The following SORCS2 variants were observed in gnomAD, a reference collection of about 807,000 sequenced individuals.
The protein encoded by SORCS2 is VPS10 domain-containing receptor SorCS2.
A neutral mutation model predicts 141.6 loss-of-function variants in SORCS2; 100 were observed. That is an observed-to-expected ratio of 0.71 (90% CI 0.60 to 0.83). SORCS2 has a LOEUF of 0.83. Among genes scored for constraint, SORCS2 ranks in the 40% least tolerant of loss-of-function variants. The pLI, the probability that SORCS2 is intolerant of heterozygous loss-of-function variation, is 0.00. For synonymous variants in SORCS2, 789 were observed against 676.9 expected (o/e 1.17, Z -2.57); for missense variants, 1,646 against 1,560.2 (o/e 1.05, Z -0.93).
At chr4:7,627,941 C>T (rs1336782275) in intron 3 of SORCS2, among the ~76,000 whole-genome samples, 1 of 152,232 alleles carries the variant, frequency 6.6e-6, no homozygotes. Context: ...GAAACAGCTG[C>T]CAATTCTCAG....
intron 1 of SORCS2, among the ~76,000 whole-genome samples, chr4:7,344,928 G>A (rs1333642840): frequency 2.0e-5 from 3 of 152,124 alleles, no homozygotes; most frequent in Non-Finnish European, 1.5e-5. Flanking sequence ...TGCAGCTCTG[G>A]GGGCCACCCA....
intron 2 of SORCS2, among the ~76,000 whole-genome samples, chr4:7,492,889 C>T (rs1731398039): frequency 6.6e-6 from 1 of 152,204 alleles, no homozygotes; most frequent in African/African-American, 2.4e-5. Context: ...CTCCTCATCT[C>T]CCATATTACC....
chr4:7,682,923 T>G, intron 10 of SORCS2, 34 bp downstream of exon 10: 1 of 1,601,504 alleles, frequency 6.2e-7, no homozygotes, highest in Non-Finnish European at 8.5e-7. Flanking sequence ...ACACCATCCT[T>G]GGCGTGGATG....
At chr4:7,597,868 C>T (rs921407801) in intron 3 of SORCS2, among the ~76,000 whole-genome samples, 1 of 150,296 alleles carries the variant, frequency 6.7e-6, no homozygotes, top group African/African-American at 2.5e-5. Flanking sequence ...GTGAGAGCTG[C>T]GTTCTGCTCT....
At chr4:7,259,465 G>T (rs572241476) in intron 1 of SORCS2, among the ~76,000 whole-genome samples, 1 of 152,160 alleles carries the variant, frequency 6.6e-6, no homozygotes, top group Admixed American at 6.5e-5. Context: ...TTTGAGAAAT[G>T]GTTGCTGTGC....
chr4:7,426,261 A>G (rs988751421), intron 2 of SORCS2, among the ~76,000 whole-genome samples: 1 of 149,486 alleles, frequency 6.7e-6, no homozygotes, highest in African/African-American at 2.5e-5. Flanking sequence ...CCCACCCTCA[A>G]TGAGTGGCCC....
chr4:7,389,439 C>T (rs145940008), intron 1 of SORCS2, among the ~76,000 whole-genome samples: 170 of 152,320 alleles, frequency 1.1e-3, no homozygotes, highest in African/African-American at 4.0e-3. Flanking sequence ...CTTACAGATT[C>T]CAGGGTCCAT....
rs190834048 is a variant in SORCS2, at chr4:7,378,191, G to C, written c.481-18097G>C. On this transcript the variant is annotated intron_variant, in intron 1 of 26. Coordinates refer to ENST00000507866, the MANE Select transcript of SORCS2 (RefSeq NM_020777.3). ...GCCATGAAAATGAAATGAATTTGGT[G>C]TCTGAAAGTAACCTCGGGTGAGACT... 7.5e-3 allele frequency among the ~76,000 whole-genome samples: 1,142 copies of C among 152,312 alleles called. 8 individuals are homozygous for C. Among genetic ancestry groups the C allele is most frequent in the Non-Finnish European group, 0.01 (703 of 68,024 alleles).
At chr4:7,461,514 C>G (rs1729310374) in intron 2 of SORCS2, among the ~76,000 whole-genome samples, 1 of 152,266 alleles carries the variant, frequency 6.6e-6, no homozygotes, top group Non-Finnish European at 1.5e-5. Flanking sequence ...TCACGCCGCA[C>G]TGTGCTGGGA....
At chr4:7,646,199 G>T (rs1456708456) in intron 4 of SORCS2, among the ~76,000 whole-genome samples, 1 of 152,244 alleles carries the variant, frequency 6.6e-6, no homozygotes, top group East Asian at 1.9e-4. Flanking sequence ...AAACAGCTGT[G>T]CAGGCGTGAG....
intron 1 of SORCS2, among the ~76,000 whole-genome samples, chr4:7,219,446 C>G (rs1728566210): frequency 6.6e-6 from 1 of 152,146 alleles, no homozygotes; most frequent in Non-Finnish European, 1.5e-5. Context: ...CATTCTCACG[C>G]TGCTATAAGG....
At chr4:7,498,455 A>C (rs888365712) in intron 2 of SORCS2, among the ~76,000 whole-genome samples, 1 of 152,238 alleles carries the variant, frequency 6.6e-6, no homozygotes, top group South Asian at 2.1e-4. Flanking sequence ...CTGGGCGACA[A>C]CACCTCTGAG....
intron 9 of SORCS2, among the ~76,000 whole-genome samples, chr4:7,678,091 C>G (rs1723281928): frequency 6.6e-6 from 1 of 152,218 alleles, no homozygotes; most frequent in South Asian, 2.1e-4. Context: ...ACAACACGCA[C>G]CATTCACCCC....
At chr4:7,399,705 C>CAAGCCACAG (rs1724450491) in intron 2 of SORCS2, among the ~76,000 whole-genome samples, 2 of 152,154 alleles carry the variant, frequency 1.3e-5, no homozygotes, top group South Asian at 2.1e-4. Flanking sequence ...CTTGCCCTCA[C>CAAGCCACAG]AAGCCACAGA....
intron 5 of SORCS2, among the ~76,000 whole-genome samples, chr4:7,660,110 T>G (rs551497594): frequency 6.6e-5 from 10 of 152,194 alleles, no homozygotes; most frequent in Non-Finnish European, 1.0e-4. Context: ...TGCCACCAAA[T>G]GGAGGTATTA....
At chr4:7,299,351 A>G (rs555006489) in intron 1 of SORCS2, among the ~76,000 whole-genome samples, 5 of 152,304 alleles carry the variant, frequency 3.3e-5, no homozygotes, top group African/African-American at 1.2e-4. Flanking sequence ...CTGGATCCCA[A>G]TCCGCTCTCC....
At chr4:7,427,703 A>G (rs1236418261) in intron 2 of SORCS2, among the ~76,000 whole-genome samples, 4 of 151,984 alleles carry the variant, frequency 2.6e-5, no homozygotes, top group African/African-American at 9.7e-5. Context: ...GGAAGGAGGA[A>G]GCAGGAGTGT....
chr4:7,590,170 A>T (rs761425365), intron 3 of SORCS2, among the ~76,000 whole-genome samples: 1 of 152,212 alleles, frequency 6.6e-6, no homozygotes, highest in Non-Finnish European at 1.5e-5. Context: ...GTTTATGAAG[A>T]AGAAACAGTA....
Position 7,604,595 on chromosome 4 carries a change from G to A in SORCS2, c.649-33733G>A, listed in dbSNP as rs899329893. ...ATTACAGGCATGAGCCGCCGCGCCC[G>A]GCCTATGGTGATGGTTTTAAAAGCG... On this transcript the variant is annotated intron_variant, in intron 3 of 26. Transcript: ENST00000507866. Among the ~76,000 whole-genome samples, 9 of 152,284 alleles carry A rather than the reference G, an allele frequency of 5.9e-5. No individual in the cohort carries two copies. In the East Asian group the frequency reaches 9.7e-4, roughly 16 times the overall value.
Sources: allele counts gnomAD v4.1 joint callset (sites outside exome capture counted in the v4.1 genomes callset), GRCh38; gene constraint gnomAD v4.1.1; transcripts MANE v1.5; gene names NCBI Gene and HGNC (gene_info 2026-07-23, HGNC 2026-07-21).